The following FAM171A1 variants were observed in gnomAD, a reference collection of about 807,000 sequenced individuals.
FAM171A1 encodes protein FAM171A1.
FAM171A1 carries 23 observed loss-of-function variants against 74.9 expected under a neutral mutation model. That is an observed-to-expected ratio of 0.31 (90% CI 0.22 to 0.44). The LOEUF (loss-of-function observed/expected upper bound fraction) is 0.44, where lower values mean the gene tolerates loss of function less well. Among genes scored for constraint, FAM171A1 ranks in the 20% least tolerant of loss-of-function variants. The pLI is 1.00. For synonymous variants in FAM171A1, 527 were observed against 505.7 expected, an observed-to-expected ratio of 1.04 and a Z score of -0.57; for missense variants, 1,162 against 1,159.2, an observed-to-expected ratio of 1.00 and a Z score of -0.03.
Position 15,324,737 on chromosome 10 carries a change from A to G in FAM171A1, c.98-40632T>C, listed in dbSNP as rs77269403. Reference sequence around the variant, plus strand: ...AGCCTTAGTTTCAAGAGTGAGGGGGAAAAAAAAAAGTCCACAAAAAAAAGG... The same window carrying G: ...AGCCTTAGTTTCAAGAGTGAGGGGGGAAAAAAAAAGTCCACAAAAAAAAGG... On this transcript the variant is annotated intron_variant, in intron 1 of 7. Coordinates refer to ENST00000378116, the MANE Select transcript of FAM171A1 (RefSeq NM_001010924.2). Among the ~76,000 whole-genome samples, 649 of 145,802 alleles carry G rather than the reference A, an allele frequency of 4.5e-3. 6 individuals carry two copies. Among genetic ancestry groups the G allele is most frequent in the African/African-American group, 0.017 (621 of 36,792 alleles).
chr10:15,348,666 G>A (rs1233846860), intron 1 of FAM171A1, among the ~76,000 whole-genome samples: 1 of 152,176 alleles, frequency 6.6e-6, no homozygotes, highest in African/African-American at 2.4e-5. Context: ...TCACGGAAGA[G>A]CTTGTTAACA....
At position 15,283,977 on chromosome 10, in the gene FAM171A1, T is replaced by A. The variant is rs1835003281; in HGVS notation, c.226A>T (p.Ile76Phe). 1 of 1,614,120 alleles carries A rather than the reference T, an allele frequency of 6.2e-7. No individual in the cohort carries two copies. Among genetic ancestry groups the A allele is most frequent in the Non-Finnish European group, 8.5e-7 (1 of 1,180,016 alleles). The change falls in exon 2 of 8, where the codon ATC (isoleucine) becomes TTC (phenylalanine). Residue 76 changes from isoleucine (I) to phenylalanine (F), a missense_variant. Transcript: ENST00000378116. ...CTGCCCAGCTTATACTGGAACTTGA[T>A]AAAGGCGACGCCATCAGTCCCCGAG... ...GTSGTDGVAF[I>F]KFQYKLGSQL...
intron 5 of FAM171A1, among the ~76,000 whole-genome samples, chr10:15,229,001 T>C (rs773119033): frequency 6.6e-6 from 1 of 152,242 alleles, no homozygotes; most frequent in Non-Finnish European, 1.5e-5. Flanking sequence ...TAGATGTATT[T>C]TTCCAGAAAG....
rs768446338 is a variant in FAM171A1 at position 15,283,984 on chromosome 10, G to A, written c.219C>T (p.Val73=). 8.5e-5 allele frequency: 137 copies of A among 1,614,178 alleles called. No individual in the cohort carries two copies. The highest frequency in any genetic ancestry group is 3.1e-4 in the South Asian group (28 of 91,074). ...IASGTSGTDG[V]AFIKFQYKLG... ...GCTTATACTGGAACTTGATAAAGGC[G>A]ACGCCATCAGTCCCCGAGGTGCCAG... Residue 73 remains valine (V), a synonymous_variant, in exon 2 of 8, where the codon GTC becomes GTT. Coordinates refer to ENST00000378116, the MANE Select transcript of FAM171A1 (RefSeq NM_001010924.2).
chr10:15,244,806 G>A (rs962150683), intron 5 of FAM171A1, among the ~76,000 whole-genome samples: 12 of 152,182 alleles, frequency 7.9e-5, no homozygotes, highest in South Asian at 2.1e-4. Context: ...CCCGCATACC[G>A]TGCCGTTCAA....
At chr10:15,249,237 C>T (rs772202452) in intron 4 of FAM171A1, among the ~76,000 whole-genome samples, 2 of 151,898 alleles carry the variant, frequency 1.3e-5, no homozygotes, top group Non-Finnish European at 2.9e-5. Flanking sequence ...GCCGGTATTA[C>T]AGGCTTCCAC....
At chr10:15,271,472 A>C (rs959448476) in intron 3 of FAM171A1, among the ~76,000 whole-genome samples, 40 of 152,198 alleles carry the variant, frequency 2.6e-4, no homozygotes, top group East Asian at 7.7e-4. Flanking sequence ...AGGATATTAT[A>C]CAGGAGAACT....
intron 3 of FAM171A1, among the ~76,000 whole-genome samples, chr10:15,265,578 GAAAAAA>G (rs58125400): frequency 2.7e-5 from 1 of 37,708 alleles, no homozygotes; most frequent in African/African-American, 1.2e-4. Flanking sequence ...TGGTGCCTCT[GAAAAAA>G]AAAAAAAAAA....
At chr10:15,276,573 G>C (rs1371607840) in intron 2 of FAM171A1, among the ~76,000 whole-genome samples, 2 of 152,222 alleles carry the variant, frequency 1.3e-5, no homozygotes, top group African/African-American at 4.8e-5. Context: ...CATAATGTTA[G>C]ATGTTAACAT....
chr10:15,314,054 C>T (rs1007688003), intron 1 of FAM171A1, among the ~76,000 whole-genome samples: 1 of 152,224 alleles, frequency 6.6e-6, no homozygotes, highest in Non-Finnish European at 1.5e-5. Flanking sequence ...TTCCTGTTGA[C>T]ACTGTGCCTC....
intron 5 of FAM171A1, among the ~76,000 whole-genome samples, chr10:15,237,253 T>C (rs1233243272): frequency 6.6e-6 from 1 of 152,074 alleles, no homozygotes; most frequent in Non-Finnish European, 1.5e-5. Flanking sequence ...AAATTCTAGT[T>C]CTACATAAAA....
intron 3 of FAM171A1, among the ~76,000 whole-genome samples, chr10:15,268,836 G>C (rs1399581541): frequency 1.1e-4 from 17 of 152,198 alleles, no homozygotes. Flanking sequence ...GAGGTCAGGA[G>C]TTTGAGACAA....
chr10:15,332,749 C>G (rs904512525), intron 1 of FAM171A1, among the ~76,000 whole-genome samples: 1 of 152,110 alleles, frequency 6.6e-6, no homozygotes, highest in African/African-American at 2.4e-5. Context: ...TCCCTTTTTT[C>G]TCTCATCCAG....
chr10:15,360,430 T>C (rs1403862602), intron 1 of FAM171A1, among the ~76,000 whole-genome samples: 1 of 152,256 alleles, frequency 6.6e-6, no homozygotes, highest in East Asian at 1.9e-4. Flanking sequence ...CATGCTTCCC[T>C]TTTTTCCCTC....
intron 1 of FAM171A1, among the ~76,000 whole-genome samples, chr10:15,319,971 A>G (rs1835467642): frequency 6.6e-6 from 1 of 152,130 alleles, no homozygotes; most frequent in Non-Finnish European, 1.5e-5. Context: ...ATTTCTTTCC[A>G]ATTGTTATTT....
At chr10:15,222,115 C>T (rs1025528849) in intron 5 of FAM171A1, among the ~76,000 whole-genome samples, 3 of 152,168 alleles carry the variant, frequency 2.0e-5, no homozygotes, top group African/African-American at 7.2e-5. Context: ...CGCACCCACT[C>T]CGACCTATCA....
At chr10:15,254,347 C>T (rs1322049170) in intron 4 of FAM171A1, among the ~76,000 whole-genome samples, 2 of 152,038 alleles carry the variant, frequency 1.3e-5, no homozygotes, top group Admixed American at 6.5e-5. Flanking sequence ...AATGGGGGCT[C>T]GTGGGACGAG....
At chr10:15,261,844 G>A (rs187430266) in intron 3 of FAM171A1, among the ~76,000 whole-genome samples, 194 of 152,288 alleles carry the variant, frequency 1.3e-3, no homozygotes, top group African/African-American at 4.5e-3. Context: ...GGGGCCGGGT[G>A]TGGTGGCTCA....
At chr10:15,371,821 C>T (rs1318551363), upstream of FAM171A1, among the ~76,000 whole-genome samples, 1 of 152,150 alleles carries the variant, frequency 6.6e-6, no homozygotes, top group African/African-American at 2.4e-5. Flanking sequence ...TTCCATGACA[C>T]GTGTGAAAGC....
Sources: allele counts gnomAD v4.1 joint callset (sites outside exome capture counted in the v4.1 genomes callset), GRCh38; gene constraint gnomAD v4.1.1; transcripts MANE v1.5; gene names NCBI Gene and HGNC (gene_info 2026-07-23, HGNC 2026-07-21).